Variants in MBNL1 observed in about 807,000 individuals in gnomAD.
The protein encoded by MBNL1 is muscleblind-like protein 1.
Under a neutral mutation model 42.2 loss-of-function variants are expected in MBNL1, and 8 were observed. That is an observed-to-expected ratio of 0.19 (90% confidence interval 0.11 to 0.34). The LOEUF (loss-of-function observed/expected upper bound fraction) is 0.34, where lower values mean the gene tolerates loss of function less well. Among genes scored for constraint, MBNL1 ranks in the 10% least tolerant of loss-of-function variants. The probability of loss-of-function intolerance (pLI) is 1.00; values close to 1 mark genes in which losing one functional copy is unlikely to be tolerated. For missense variants in MBNL1, 309 were observed against 495.3 expected, an observed-to-expected ratio of 0.62 and a Z score of 3.57; for synonymous variants, 169 against 173.9, an observed-to-expected ratio of 0.97 and a Z score of 0.22.
intron 1 of MBNL1, among the ~76,000 whole-genome samples, chr3:152,297,260 T>TTGTTTTTG (rs1553786764): frequency 6.6e-6 from 1 of 151,320 alleles, no homozygotes; most frequent in Non-Finnish European, 1.5e-5. Context: ...CTTTGTTTTT[T>TTGTTTTTG]TTTTTTTTTT....
intron 2 of MBNL1, among the ~76,000 whole-genome samples, chr3:152,362,020 G>A (rs186485904): frequency 3.6e-4 from 55 of 152,264 alleles, no homozygotes; most frequent in Admixed American, 9.8e-4. Context: ...AGAGGGAAAG[G>A]AATTGCTATA....
rs549515912 is a variant in MBNL1 at position 152,403,081 on chromosome 3, G to A, written c.175-11860G>A. On this transcript the variant is annotated intron_variant, in intron 2 of 9. Transcript: ENST00000324210. ...ATTCCTTTACTCACTTAATGCACCC[G>A]AGCAGAGTGTTTAGCAGATCCAGGC... 2.6e-5 allele frequency among the ~76,000 whole-genome samples: 4 copies of A among 152,104 alleles called. No individual in the cohort carries two copies. The South Asian group carries it at 8.3e-4, about 32-fold the overall frequency.
rs1159352951 is a variant in MBNL1 at position 152,319,974 on chromosome 3, A to G, written c.174+19607A>G. Among the ~76,000 whole-genome samples the G allele has an allele frequency of 3.3e-5, 5 of 152,022 alleles. No individual in the cohort carries two copies. In the East Asian group the frequency reaches 9.6e-4, roughly 29 times the overall value. ...ACTTTTTGGCATTTCCTTCCTTTTTATGTGTCATAGAATACACTACATTAT... is the reference window on the plus strand; with the variant it reads ...ACTTTTTGGCATTTCCTTCCTTTTTGTGTGTCATAGAATACACTACATTAT... On this transcript the variant is annotated intron_variant, in intron 2 of 9. Coordinates refer to ENST00000324210, the MANE Select transcript of MBNL1 (RefSeq NM_021038.5).
At chr3:152,311,112 G>T (rs2066213248) in intron 2 of MBNL1, among the ~76,000 whole-genome samples, 1 of 148,088 alleles carries the variant, frequency 6.8e-6, no homozygotes, top group African/African-American at 2.5e-5. Context: ...GGGTTCAAGC[G>T]ATTCTCCTGC....
At chr3:152,315,845 A>AACAC (rs147766235) in intron 2 of MBNL1, among the ~76,000 whole-genome samples, 9,412 of 142,722 alleles carry the variant, frequency 0.066, 387 homozygotes, top group Non-Finnish European at 0.091. Flanking sequence ...AAAGCGTGTG[A>AACAC]ACACACACAC....
chr3:152,260,256 C>T (rs556581469), intron 2 of MBNL1, among the ~76,000 whole-genome samples: 76 of 152,168 alleles, frequency 5.0e-4, no homozygotes, highest in African/African-American at 1.4e-3. Context: ...TGGGAGGGCT[C>T]GATGGAATCA....
chr3:152,250,133 T>C lies in MBNL1; in HGVS notation n.333+5693T>C, dbSNP rs554078047. ...TTTTGGATCCATATGAACTTTGAAGTAGTTTTTTCCAATTCTGTGAAGAAA... is the reference window on the plus strand; with the variant it reads ...TTTTGGATCCATATGAACTTTGAAGCAGTTTTTTCCAATTCTGTGAAGAAA... On this transcript the variant is annotated intron_variant and non_coding_transcript_variant, in intron 2 of 2. Coordinates refer to the MBNL1 transcript ENST00000477171. Among the ~76,000 whole-genome samples the C allele has an allele frequency of 2.0e-5, 3 of 152,204 alleles. No individual in the cohort carries two copies. The South Asian group carries it at 6.2e-4, about 32-fold the overall frequency.
chr3:152,333,334 A>G (rs2086692453), intron 2 of MBNL1, among the ~76,000 whole-genome samples: 2 of 152,246 alleles, frequency 1.3e-5, no homozygotes, highest in African/African-American at 2.4e-5. Context: ...GGTAAATATC[A>G]TTAAGAGAAA....
At chr3:152,421,637 T>C (rs1200391986) in intron 3 of MBNL1, among the ~76,000 whole-genome samples, 2 of 152,070 alleles carry the variant, frequency 1.3e-5, no homozygotes. Flanking sequence ...CCAAGACATA[T>C]AATCGTCAGA....
chr3:152,298,601 T>C (rs2059577113), intron 1 of MBNL1, among the ~76,000 whole-genome samples: 1 of 152,222 alleles, frequency 6.6e-6, no homozygotes, highest in African/African-American at 2.4e-5. Flanking sequence ...GCTTCTGCTT[T>C]AAAAATGTAC....
intron 2 of MBNL1, among the ~76,000 whole-genome samples, chr3:152,332,783 T>G (rs2086152086): frequency 6.7e-6 from 1 of 150,356 alleles, no homozygotes; most frequent in Non-Finnish European, 1.5e-5. Context: ...AGGTTAGAGT[T>G]TAAAAAAAGC....
At chr3:152,364,367 T>C (rs2096222074) in intron 2 of MBNL1, among the ~76,000 whole-genome samples, 1 of 152,080 alleles carries the variant, frequency 6.6e-6, no homozygotes, top group Non-Finnish European at 1.5e-5. Flanking sequence ...ACACCCTTTG[T>C]ACTTGCTAGT....
chr3:152,295,215 GC>G (rs2058071359), intron 1 of MBNL1, among the ~76,000 whole-genome samples: 2 of 152,142 alleles, frequency 1.3e-5, no homozygotes, highest in South Asian at 4.1e-4. Context: ...GAATTTCTCT[GC>G]TACAGAAAAT....
At chr3:152,461,617 C>T (rs1457932904) in intron 9 of MBNL1, among the ~76,000 whole-genome samples, 1 of 152,114 alleles carries the variant, frequency 6.6e-6, no homozygotes, top group African/African-American at 2.4e-5. Flanking sequence ...GATTGCTCAT[C>T]TTCATGAGGA....
At chr3:152,339,300 T>A (rs1233806244) in intron 2 of MBNL1, among the ~76,000 whole-genome samples, 1 of 152,068 alleles carries the variant, frequency 6.6e-6, no homozygotes, top group East Asian at 1.9e-4. Flanking sequence ...GGGAAAAAAA[T>A]TCACTACATA....
chr3:152,442,107 T>C (rs2099153117), intron 4 of MBNL1, among the ~76,000 whole-genome samples: 1 of 152,232 alleles, frequency 6.6e-6, no homozygotes, highest in African/African-American at 2.4e-5. Context: ...AATATTTTTA[T>C]GTGTTGACCC....
At chr3:152,268,709 T>A (rs1413468951), upstream of MBNL1, 1 of 453,946 alleles carries the variant, frequency 2.2e-6, no homozygotes, top group Non-Finnish European at 4.4e-6. Flanking sequence ...TGACCCGCTC[T>A]TGCGGGCTCT....
intron 2 of MBNL1, among the ~76,000 whole-genome samples, chr3:152,393,298 G>A (rs2097792365): frequency 6.6e-6 from 1 of 152,248 alleles, no homozygotes; most frequent in African/African-American, 2.4e-5. Context: ...GTAGGTTAGA[G>A]CTACAAATTA....
chr3:152,347,883 T>C (rs905708895), intron 2 of MBNL1, among the ~76,000 whole-genome samples: 3 of 152,200 alleles, frequency 2.0e-5, no homozygotes, highest in African/African-American at 7.2e-5. Context: ...TGAAAGTCAA[T>C]ATTTTTATGA....
Sources: gnomAD v4.1 joint callset for allele counts (sites outside exome capture counted in the v4.1 genomes callset) on GRCh38, gnomAD v4.1.1 for gene constraint, MANE v1.5 for transcripts, NCBI Gene and HGNC (gene_info 2026-07-23, HGNC 2026-07-21) for gene names.